The following CREB5 variants were observed in gnomAD, a reference collection of about 807,000 sequenced individuals.
CREB5 encodes cyclic AMP-responsive element-binding protein 5.
Under a neutral mutation model 57.1 loss-of-function variants are expected in CREB5, and 19 were observed. The observed-to-expected ratio is 0.33, with a 90% confidence interval of 0.23 to 0.49. The LOEUF (loss-of-function observed/expected upper bound fraction) is 0.49. Among genes scored for constraint, CREB5 ranks in the 20% least tolerant of loss-of-function variants. The pLI, the probability that CREB5 is intolerant of heterozygous loss-of-function variation, is 0.99. For synonymous variants in CREB5, 238 were observed against 238.3 expected, an observed-to-expected ratio of 1.00 and a Z score of 0.01; for missense variants, 579 against 671.6, an observed-to-expected ratio of 0.86 and a Z score of 1.52.
intron 1 of CREB5, among the ~76,000 whole-genome samples, chr7:28,357,155 C>G (rs551206706): frequency 6.6e-6 from 1 of 152,302 alleles, no homozygotes; most frequent in Admixed American, 6.5e-5. Context: ...TTCCCACTCT[C>G]CAGAGAGAGT....
chr7:28,351,086 A>T (rs1039091625), intron 1 of CREB5, among the ~76,000 whole-genome samples: 1 of 152,208 alleles, frequency 6.6e-6, no homozygotes, highest in African/African-American at 2.4e-5. Context: ...AAGATGGATT[A>T]TATCTGTTTC....
intron 5 of CREB5, among the ~76,000 whole-genome samples, chr7:28,630,111 T>C (rs1395467356): frequency 6.6e-6 from 1 of 152,210 alleles, no homozygotes; most frequent in African/African-American, 2.4e-5. Context: ...GCCTGAACTG[T>C]TCCTGAATCG....
At chr7:28,625,629 C>T (rs12667066) in intron 5 of CREB5, among the ~76,000 whole-genome samples, 14,999 of 152,196 alleles carry the variant, frequency 0.099, 1,095 homozygotes, top group East Asian at 0.39. Flanking sequence ...AAGGCAACTG[C>T]GTTGCCTTGC....
rs1554281591 is a variant in CREB5, at chr7:28,658,963, A to ATATATATATATATATATATATATATG, written c.465-59773_465-59772insATATATATGTATATATATATATATAT. 1.5e-4 allele frequency among the ~76,000 whole-genome samples: 18 copies of ATATATATATATATATATATATATATG among 117,134 alleles called. No individual in the cohort carries two copies. The South Asian group carries it at 1.6e-3, about 10-fold the overall frequency. 76.8% of individuals were successfully genotyped at this position (117,134 alleles called of 152,430 possible). A position where few individuals can be genotyped will look rare whatever the true frequency, so the allele number is the denominator to read the frequency against. ...TATATGTGTGTGTGTGTATATATATATATATATATATATATATGTATATAT... is the reference window on the plus strand; with the variant it reads ...TATATGTGTGTGTGTGTATATATATATATATATATATATATATATATATATGTATATATATATATATATGTATATAT... On this transcript the variant is annotated intron_variant, in intron 5 of 10. Transcript: ENST00000357727.
At chr7:28,406,606 C>T (rs2128000573) in intron 1 of CREB5, among the ~76,000 whole-genome samples, 1 of 152,344 alleles carries the variant, frequency 6.6e-6, no homozygotes, top group East Asian at 1.9e-4. Flanking sequence ...GGTGAGAGGG[C>T]ATTCCTAGTG....
chr7:28,308,808 T>C (rs1785229403), intron 1 of CREB5, among the ~76,000 whole-genome samples: 1 of 152,238 alleles, frequency 6.6e-6, no homozygotes, highest in Non-Finnish European at 1.5e-5. Context: ...TGAGATCTTT[T>C]CTGTTTGTCC....
chr7:28,560,881 T>TGTGTGCACGTGTGTGC (rs1554344374), intron 4 of CREB5, among the ~76,000 whole-genome samples: 2 of 46,204 alleles, frequency 4.3e-5, no homozygotes, highest in African/African-American at 1.1e-4. Context: ...TGCGCGTGCG[T>TGTGTGCACGTGTGTGC]GCGTGCGTGT....
At chr7:28,695,105 TGGTCCCAGCCACTTGG>T (rs1274361388) in intron 5 of CREB5, among the ~76,000 whole-genome samples, 1 of 152,124 alleles carries the variant, frequency 6.6e-6, no homozygotes, top group Non-Finnish European at 1.5e-5. Flanking sequence ...CATGCACCTG[TGGTCCCAGCCACTTGG>T]GAGACTGAAG....
At chr7:28,726,513 A>G (rs866535651) in intron 7 of CREB5, among the ~76,000 whole-genome samples, 27 of 152,218 alleles carry the variant, frequency 1.8e-4, no homozygotes, top group Middle Eastern at 3.4e-3. Context: ...TTTACGAAAT[A>G]CAAAGTAGTG....
chr7:28,583,056 A>G (rs939039440), intron 5 of CREB5, among the ~76,000 whole-genome samples: 1 of 152,198 alleles, frequency 6.6e-6, no homozygotes, highest in Non-Finnish European at 1.5e-5. Flanking sequence ...GCCAAGCATG[A>G]GGGGTGTGGA....
chr7:28,603,133 C>T (rs1317039256), intron 5 of CREB5, among the ~76,000 whole-genome samples: 2 of 151,998 alleles, frequency 1.3e-5, no homozygotes, highest in Non-Finnish European at 2.9e-5. Flanking sequence ...AAGGTAATTC[C>T]CTTACAGGCA....
In CREB5 at chr7:28,560,819, T is replaced by TGCGCGCGCGC. The variant is rs1339266647; in HGVS notation, c.292-9545_292-9544insCGCGCGCGCG. On this transcript the variant is annotated intron_variant, in intron 4 of 10. Transcript: ENST00000357727. Reference sequence around the variant, plus strand: ...CACAGTGTGTGTGCGCGTGTGTGTGTGTGCGCGCGCGCGCGTGTGTGTGTG... The same window carrying TGCGCGCGCGC: ...CACAGTGTGTGTGCGCGTGTGTGTGTGCGCGCGCGCGTGCGCGCGCGCGCGTGTGTGTGTG... Among the ~76,000 whole-genome samples the TGCGCGCGCGC allele has an allele frequency of 6.4e-5, 4 of 62,354 alleles. 1 individual carries two copies. Among genetic ancestry groups the TGCGCGCGCGC allele is most frequent in the Non-Finnish European group, 1.4e-4 (4 of 27,804 alleles). The allele number at this position is 62,354 out of a possible 152,430, so 40.9% of individuals were successfully genotyped here.
intron 5 of CREB5, among the ~76,000 whole-genome samples, chr7:28,701,982 A>G (rs183143915): frequency 1.4e-4 from 22 of 152,370 alleles, no homozygotes; most frequent in African/African-American, 5.0e-4. Context: ...TCATTCTTGT[A>G]TGTCCACTCT....
chr7:28,738,650 C>A (rs967198211), intron 7 of CREB5, among the ~76,000 whole-genome samples: 37 of 152,208 alleles, frequency 2.4e-4, no homozygotes, highest in African/African-American at 8.4e-4. Context: ...GCTTAATGAC[C>A]AGAGAGTCTA....
At chr7:28,590,392 G>C (rs1290595000) in intron 5 of CREB5, among the ~76,000 whole-genome samples, 1 of 151,722 alleles carries the variant, frequency 6.6e-6, no homozygotes, top group Non-Finnish European at 1.5e-5. Context: ...CATGGATGAA[G>C]CTGGAAACCA....
rs1049812551 is a variant in CREB5, at chr7:28,426,107, C to T, written c.3+13190C>T. Among the ~76,000 whole-genome samples, 4 of 152,306 alleles carry T rather than the reference C, an allele frequency of 2.6e-5. No individual in the cohort carries two copies. The South Asian group carries it at 8.3e-4, about 32-fold the overall frequency. ...CTGTCTCCTTCTAACCCGATTCCCC[C>T]TATTAACTGAGAATTAAGGGGAGCA... On this transcript the variant is annotated intron_variant, in intron 1 of 10. Coordinates refer to ENST00000357727, the MANE Select transcript of CREB5 (RefSeq NM_182898.4).
chr7:28,596,010 TC>T (rs1796680690), intron 5 of CREB5, among the ~76,000 whole-genome samples: 1 of 152,206 alleles, frequency 6.6e-6, no homozygotes, highest in Non-Finnish European at 1.5e-5. Flanking sequence ...GGCCGAGACC[TC>T]CTAAATCACA....
chr7:28,409,705 T>A (rs372663158), upstream of CREB5: 64 of 332,242 alleles, frequency 1.9e-4, no homozygotes, highest in East Asian at 6.4e-3. This position sits in a 1 kb window ranked among gnomAD's most constrained non-coding sequence, Gnocchi z 4.4. Context: ...TTCGGCTGTG[T>A]CCTGAGGCCA....
chr7:28,761,972 C>T (rs1805687961), intron 7 of CREB5, among the ~76,000 whole-genome samples: 1 of 152,090 alleles, frequency 6.6e-6, no homozygotes, highest in African/African-American at 2.4e-5. Flanking sequence ...ACATGTGAAT[C>T]TCAATGTAAA....
Sources: allele counts gnomAD v4.1 joint callset (sites outside exome capture counted in the v4.1 genomes callset), GRCh38; gene constraint gnomAD v4.1.1; non-coding constraint Gnocchi (gnomAD v3.1); transcripts MANE v1.5; gene names NCBI Gene and HGNC (gene_info 2026-07-23, HGNC 2026-07-21).